Variants in RHOBTB3 observed in about 807,000 individuals in gnomAD.
RHOBTB3 encodes the protein rho-related BTB domain-containing protein 3.
In RHOBTB3, 47 loss-of-function variants were observed where a neutral mutation model predicts 67.2. That is an observed-to-expected ratio of 0.70 (90% CI 0.55 to 0.89). The LOEUF (loss-of-function observed/expected upper bound fraction) is 0.89, where lower values mean the gene tolerates loss of function less well. RHOBTB3 is among the 40% of genes least tolerant of loss of function. The pLI is 0.00. For missense variants in RHOBTB3, 631 were observed against 750.0 expected (o/e 0.84, Z 1.85); for synonymous variants, 273 against 274.2 (o/e 1.00, Z 0.04).
chr5:95,721,761 G>C (rs1754888570), intron 1 of RHOBTB3, among the ~76,000 whole-genome samples: 1 of 150,254 alleles, frequency 6.7e-6, no homozygotes, highest in East Asian at 1.9e-4. Context: ...TCTCAGGAGA[G>C]AGTAATCAGC....
intron 8 of RHOBTB3, chr5:95,770,392 T>G (rs754663824): frequency 8.8e-6 from 2 of 226,758 alleles, no homozygotes; most frequent in Non-Finnish European, 1.8e-5. Flanking sequence ...AAATAAAAAA[T>G]TGGTATAGAA....
intron 2 of RHOBTB3, 58 bp downstream of exon 2, chr5:95,732,142 T>C (rs775206218): frequency 3.2e-5 from 48 of 1,485,654 alleles, no homozygotes; most frequent in East Asian, 7.0e-5. Context: ...TCCTTTTTTT[T>C]CCCCCTCCCC....
At chr5:95,748,581 C>A in intron 4 of RHOBTB3, 94 bp downstream of exon 4, 2 of 868,660 alleles carry the variant, frequency 2.3e-6, no homozygotes, top group Non-Finnish European at 1.7e-6. Flanking sequence ...GCTTTAAAAG[C>A]ATGGTTTGTC....
Position 95,776,268 on chromosome 5 carries a change from A to G in RHOBTB3, c.1283-3984A>G, listed in dbSNP as rs150858300. Among the ~76,000 whole-genome samples the G allele has an allele frequency of 4.4e-3, 664 of 152,132 alleles. 6 individuals carry two copies. The highest frequency in any genetic ancestry group is 0.015 in the African/African-American group (621 of 41,500). Reference sequence around the variant, plus strand: ...TTAAAAATACAAAAATCAGCCAGGCAAGGTGGCAGACGCCTATAATCCCAG... The same window carrying G: ...TTAAAAATACAAAAATCAGCCAGGCGAGGTGGCAGACGCCTATAATCCCAG... On this transcript the variant is annotated intron_variant, in intron 8 of 11. Coordinates refer to ENST00000379982, the MANE Select transcript of RHOBTB3 (RefSeq NM_014899.4).
At chr5:95,730,795 T>C (rs1235238440), upstream of RHOBTB3, 2 of 433,232 alleles carry the variant, frequency 4.6e-6, no homozygotes, top group Admixed American at 2.6e-5. Context: ...AACAAAGAAC[T>C]CTTTCTGCAG....
chr5:95,778,111 T>C (rs1055179927), intron 8 of RHOBTB3, among the ~76,000 whole-genome samples: 1 of 149,834 alleles, frequency 6.7e-6, no homozygotes, highest in Admixed American at 6.6e-5. Context: ...AAAGCAAGAC[T>C]CTATCTCAAA....
chr5:95,734,746 T>A (rs1287520708), intron 2 of RHOBTB3, among the ~76,000 whole-genome samples: 1 of 152,232 alleles, frequency 6.6e-6, no homozygotes, highest in Non-Finnish European at 1.5e-5. Flanking sequence ...GGTAGTTTAA[T>A]AGATTTACAG....
intron 5 of RHOBTB3, among the ~76,000 whole-genome samples, chr5:95,753,470 C>A (rs996116778): frequency 3.3e-5 from 5 of 151,996 alleles, no homozygotes; most frequent in Admixed American, 1.3e-4. Context: ...TCAGAATTTT[C>A]TGCATGATTT....
At chr5:95,752,125 G>T in intron 4 of RHOBTB3, 114 bp from the exon 5 acceptor site, 1 of 640,890 alleles carries the variant, frequency 1.6e-6, no homozygotes, top group South Asian at 2.1e-5. Context: ...TAATGCATAC[G>T]TATAAATGGT....
chr5:95,786,573 G>A (rs1428962898), intron 10 of RHOBTB3, among the ~76,000 whole-genome samples: 2 of 152,060 alleles, frequency 1.3e-5, no homozygotes, highest in Admixed American at 1.3e-4. Context: ...TCAAACTTTG[G>A]TGATTCCTAT....
At chr5:95,730,085 A>G (rs1259668510), upstream of RHOBTB3, among the ~76,000 whole-genome samples, 1 of 143,384 alleles carries the variant, frequency 7.0e-6, no homozygotes, top group Non-Finnish European at 1.6e-5. Flanking sequence ...AAATTAGATT[A>G]AAAAAAAAAA....
At chr5:95,752,798 G>A (rs1011141673) in intron 5 of RHOBTB3, among the ~76,000 whole-genome samples, 1 of 152,142 alleles carries the variant, frequency 6.6e-6, no homozygotes, top group Non-Finnish European at 1.5e-5. Flanking sequence ...TAATGGTATT[G>A]TGATGAATAG....
intron 1 of RHOBTB3, among the ~76,000 whole-genome samples, chr5:95,718,142 T>G (rs1754737914): frequency 6.6e-6 from 1 of 152,130 alleles, no homozygotes; most frequent in South Asian, 2.1e-4. Flanking sequence ...AAACCTGAAC[T>G]AAAAGATACT....
At chr5:95,717,742 A>T (rs1754724908) in exon 1 of RHOBTB3, 1 of 152,272 alleles carries the variant, frequency 6.6e-6, no homozygotes, top group African/African-American at 2.4e-5. Context: ...GCCTGGAGGG[A>T]CAAACAAAGG....
chr5:95,762,251 G>A (rs1745414875), intron 6 of RHOBTB3, among the ~76,000 whole-genome samples: 1 of 152,234 alleles, frequency 6.6e-6, no homozygotes, highest in African/African-American at 2.4e-5. Context: ...GAAGTTGAAA[G>A]GATATGCATT....
At chr5:95,788,597 T>C (rs534542099) in intron 10 of RHOBTB3, among the ~76,000 whole-genome samples, 165 bp from the exon 11 acceptor site, 8 of 152,342 alleles carry the variant, frequency 5.3e-5, no homozygotes, top group Non-Finnish European at 1.0e-4. Context: ...CTAATAGTGC[T>C]CCCTCATCCT....
chr5:95,765,315 G>A (rs115465066), intron 7 of RHOBTB3, among the ~76,000 whole-genome samples: 3,625 of 152,108 alleles, frequency 0.024, 70 homozygotes, highest in South Asian at 0.059. Flanking sequence ...GTCTTGATTC[G>A]GAACACATTC....
Position 95,752,226 on chromosome 5 carries a change from A to G in RHOBTB3, c.571-13A>G. 7.0e-7 allele frequency: 1 copy of G among 1,436,720 alleles called. No homozygotes were observed. Among genetic ancestry groups the G allele is most frequent in the Non-Finnish European group, 9.6e-7 (1 of 1,042,096 alleles). The allele number at this position is 1,436,720 out of a possible 1,614,324, so 89.0% of individuals were successfully genotyped here. ...TTGTTGGATCTTCAATTAAAATTTG[A>G]TTCCTGTTTTAGTTGGAGTATTTTA... On this transcript the variant is annotated splice_polypyrimidine_tract_variant and intron_variant, in intron 4 of 11. Transcript: ENST00000379982.
At chr5:95,789,531 T>G (rs927443630) in intron 11 of RHOBTB3, 1 of 152,222 alleles carries the variant, frequency 6.6e-6, no homozygotes, top group Non-Finnish European at 1.5e-5. Flanking sequence ...GCTCATGTTA[T>G]TATCTAGCAT....
Sources: gnomAD v4.1 joint callset for allele counts (sites outside exome capture counted in the v4.1 genomes callset) on GRCh38, gnomAD v4.1.1 for gene constraint, MANE v1.5 for transcripts, NCBI Gene and HGNC (gene_info 2026-07-23, HGNC 2026-07-21) for gene names.